The following LRP1B variants were observed in gnomAD, a reference collection of about 807,000 sequenced individuals.
LRP1B encodes low-density lipoprotein receptor-related protein 1B.
A neutral mutation model predicts 556.6 loss-of-function variants in LRP1B; 217 were observed. That is an observed-to-expected ratio of 0.39 (90% CI 0.35 to 0.44). The LOEUF (loss-of-function observed/expected upper bound fraction) is 0.44, where lower values mean the gene tolerates loss of function less well. Among genes scored for constraint, LRP1B ranks in the 20% least tolerant of loss-of-function variants. LRP1B has a pLI of 1.00. For missense variants in LRP1B, 5,053 were observed against 5,620.8 expected (o/e 0.90, Z 3.23); for synonymous variants, 2,047 against 1,865.8 (o/e 1.10, Z -2.50).
chr2:141,689,212 G>A (rs1167425756), intron 2 of LRP1B, among the ~76,000 whole-genome samples: 1 of 151,686 alleles, frequency 6.6e-6, no homozygotes. Context: ...TCACTGTTCT[G>A]GGCATTTTGC....
intron 32 of LRP1B, among the ~76,000 whole-genome samples, chr2:140,776,751 C>T (rs183625021): frequency 6.6e-6 from 1 of 152,056 alleles, no homozygotes; most frequent in African/African-American, 2.4e-5. Context: ...GGTCTCTTCA[C>T]AATTGTTAAC....
At chr2:141,742,616 C>T (rs992927432) in intron 2 of LRP1B, among the ~76,000 whole-genome samples, 1 of 152,040 alleles carries the variant, frequency 6.6e-6, no homozygotes, top group African/African-American at 2.4e-5. Flanking sequence ...TTTGTGATTC[C>T]ATATACATTT....
intron 43 of LRP1B, among the ~76,000 whole-genome samples, chr2:140,557,701 T>C (rs1680785036): frequency 6.6e-6 from 1 of 152,190 alleles, no homozygotes; most frequent in South Asian, 2.1e-4. Context: ...TCTATGCCTG[T>C]GAGTCTCTTC....
intron 11 of LRP1B, among the ~76,000 whole-genome samples, chr2:141,031,195 G>GTCTGTGTAAAAA (rs1161486781): frequency 1.3e-5 from 2 of 151,562 alleles, no homozygotes; most frequent in East Asian, 3.9e-4. Context: ...AGACCATGGA[G>GTCTGTGTAAAAA]TGTGTAAAAA....
At chr2:141,655,719 C>T (rs981284753) in intron 2 of LRP1B, among the ~76,000 whole-genome samples, 36 of 151,920 alleles carry the variant, frequency 2.4e-4, no homozygotes, top group African/African-American at 8.2e-4. Context: ...CTTGAGAAAT[C>T]ATGTAGAATA....
chr2:141,299,827 G>T (rs1049591614), intron 3 of LRP1B, among the ~76,000 whole-genome samples: 2 of 152,242 alleles, frequency 1.3e-5, no homozygotes, highest in South Asian at 4.2e-4. Context: ...TAATTGATGG[G>T]CCCAGGACTT....
At chr2:140,307,643 AT>A (rs1438807595) in intron 83 of LRP1B, among the ~76,000 whole-genome samples, 1 of 151,904 alleles carries the variant, frequency 6.6e-6, no homozygotes, top group African/African-American at 2.4e-5. Flanking sequence ...TTAAAGGAGC[AT>A]TAAATTTATA....
chr2:140,923,292 G>C (rs1559196876), intron 20 of LRP1B, 145 bp from the exon 21 acceptor site: 1 of 589,490 alleles, frequency 1.7e-6, no homozygotes. Context: ...TTTTACTTTA[G>C]ATGGTTAATA....
chr2:141,282,465 T>TTATGTGTATATGTATATGTATATG (rs377692835), intron 3 of LRP1B, among the ~76,000 whole-genome samples: 53 of 135,690 alleles, frequency 3.9e-4, no homozygotes, highest in Admixed American at 1.8e-3. Context: ...CTCGGGGGTT[T>TTATGTGTATATGTATATGTATATG]TATATGTATA....
At chr2:140,903,399 T>C (rs1694158754) in intron 22 of LRP1B, among the ~76,000 whole-genome samples, 1 of 152,130 alleles carries the variant, frequency 6.6e-6, no homozygotes, top group South Asian at 2.1e-4. Context: ...AAGATTTTCA[T>C]TTCTATAAAA....
chr2:141,662,607 C>T (rs1574211014), intron 2 of LRP1B, among the ~76,000 whole-genome samples: 1 of 151,786 alleles, frequency 6.6e-6, no homozygotes, highest in Admixed American at 6.6e-5. Context: ...CAGTAAAGGG[C>T]TCAATTCAAC....
At chr2:141,562,850 A>G (rs571367115) in intron 2 of LRP1B, among the ~76,000 whole-genome samples, 2 of 152,150 alleles carry the variant, frequency 1.3e-5, no homozygotes, top group South Asian at 4.1e-4. Flanking sequence ...TTGAGGAAGG[A>G]AATTTCCTCA....
chr2:141,057,526 G>A (rs1333261109), intron 9 of LRP1B, among the ~76,000 whole-genome samples: 1 of 151,812 alleles, frequency 6.6e-6, no homozygotes, highest in African/African-American at 2.4e-5. Flanking sequence ...GACCCAGTAG[G>A]AGGTAATTGA....
chr2:142,005,129 T>C (rs1437146636), intron 1 of LRP1B, among the ~76,000 whole-genome samples: 1 of 148,920 alleles, frequency 6.7e-6, no homozygotes, highest in Non-Finnish European at 1.5e-5. Context: ...TATAACTATA[T>C]AGTATATATG....
In LRP1B at chr2:140,855,493, G is replaced by GAAAAAAAAAAAAAAAAAAAA. The variant is rs56835236; in HGVS notation, c.4580-3711_4580-3710insTTTTTTTTTTTTTTTTTTTT. Among the ~76,000 whole-genome samples, 94 of 99,356 alleles carry GAAAAAAAAAAAAAAAAAAAA rather than the reference G, an allele frequency of 9.5e-4. 3 individuals carry two copies. Among genetic ancestry groups the GAAAAAAAAAAAAAAAAAAAA allele is most frequent in the African/African-American group, 3.3e-3 (88 of 26,414 alleles). 65.2% of individuals were successfully genotyped at this position (99,356 alleles called of 152,430 possible). A position where few individuals can be genotyped will look rare whatever the true frequency, so the allele number is the denominator to read the frequency against. ...GACAGGTAGGTCCCATCTCTACTGG[G>GAAAAAAAAAAAAAAAAAAAA]AAAAAAAAAAAATTTGAATGGCTTC... is the stretch of plus-strand genomic sequence containing the variant. On this transcript the variant is annotated intron_variant, in intron 27 of 90. Coordinates refer to ENST00000389484, the MANE Select transcript of LRP1B (RefSeq NM_018557.3).
chr2:141,098,644 C>A (rs1220359075), intron 7 of LRP1B, among the ~76,000 whole-genome samples: 1 of 151,644 alleles, frequency 6.6e-6, no homozygotes, highest in African/African-American at 2.4e-5. Context: ...GTATCATGTT[C>A]TCTTTATCTG....
chr2:141,706,835 A>T (rs1351214738), intron 2 of LRP1B, among the ~76,000 whole-genome samples: 2 of 152,036 alleles, frequency 1.3e-5, no homozygotes, highest in Non-Finnish European at 2.9e-5. Flanking sequence ...TAATACTAAT[A>T]TTTAGTTCTA....
intron 1 of LRP1B, among the ~76,000 whole-genome samples, chr2:142,007,576 A>AT (rs1702840524): frequency 6.6e-6 from 1 of 151,982 alleles, no homozygotes; most frequent in African/African-American, 2.4e-5. Flanking sequence ...GAATCTATTT[A>AT]TTTTTTCTAC....
In LRP1B at chr2:141,229,252, A is replaced by G. The variant is rs368794599; in HGVS notation, c.781T>C (p.Cys261Arg). ...CCTCCTGCTTTTGTTATCTGGATACATTTGAGTTGATTTGAAGATTCTCTT... is the reference window on the plus strand; with the variant it reads ...CCTCCTGCTTTTGTTATCTGGATACGTTTGAGTTGATTTGAAGATTCTCTT... ...ESRESSNQLK[C>R]IQITKAGGLT... The change falls in exon 6 of 91, where the codon TGT (cysteine) becomes CGT (arginine). Residue 261 changes from cysteine (C) to arginine (R), a missense_variant. Physicochemically the swap from Cys to Arg is radical, Grantham distance 180 (BLOSUM62 -3). Transcript: ENST00000389484. 6.2e-7 allele frequency: 1 copy of G among 1,611,242 alleles called. No homozygotes were observed. Among genetic ancestry groups the G allele is most frequent in the Non-Finnish European group, 8.5e-7 (1 of 1,177,608 alleles).
Sources: gnomAD v4.1 joint callset for allele counts (sites outside exome capture counted in the v4.1 genomes callset) on GRCh38, gnomAD v4.1.1 for gene constraint, MANE v1.5 for transcripts, NCBI Gene and HGNC (gene_info 2026-07-23, HGNC 2026-07-21) for gene names.